SGCZ: variants seen among roughly 807,000 people sequenced by gnomAD.
SGCZ encodes the protein zeta-sarcoglycan.
Under a neutral mutation model 41.3 loss-of-function variants are expected in SGCZ, and 40 were observed. The observed-to-expected ratio is 0.97, with a 90% confidence interval of 0.75 to 1.26. SGCZ has a LOEUF of 1.26. Among genes scored for constraint, SGCZ ranks in the 50% most tolerant of loss-of-function variants. The probability of loss-of-function intolerance (pLI) is 0.00; values close to 1 mark genes in which losing one functional copy is unlikely to be tolerated. For missense variants in SGCZ, 552 were observed against 369.8 expected (o/e 1.49, Z -4.04); for synonymous variants, 206 against 137.5 (o/e 1.50, Z -3.49).
At chr8:15,033,338 A>T (rs574616369) in intron 1 of SGCZ, among the ~76,000 whole-genome samples, 36 of 151,972 alleles carry the variant, frequency 2.4e-4, no homozygotes, top group African/African-American at 8.7e-4. Flanking sequence ...GAAAGCACCC[A>T]TGGCTCCAGG....
chr8:15,109,114 A>G (rs1306423178), intron 1 of SGCZ, among the ~76,000 whole-genome samples: 1 of 152,156 alleles, frequency 6.6e-6, no homozygotes, highest in East Asian at 1.9e-4. Flanking sequence ...ACACACACAC[A>G]CTCATAATAG....
intron 1 of SGCZ, among the ~76,000 whole-genome samples, chr8:14,886,025 ATATATATAT>A (rs1804788724): frequency 8.5e-6 from 1 of 118,330 alleles, no homozygotes; most frequent in Non-Finnish European, 1.8e-5. Flanking sequence ...ATATATATAT[ATATATATAT>A]AAAATTGTAT....
At chr8:14,864,452 A>G (rs541818159) in intron 1 of SGCZ, among the ~76,000 whole-genome samples, 3 of 152,272 alleles carry the variant, frequency 2.0e-5, no homozygotes, top group African/African-American at 7.2e-5. Context: ...TTACTCAAAT[A>G]TCTATTAGCA....
At chr8:14,338,429 G>A (rs1024794198) in intron 2 of SGCZ, among the ~76,000 whole-genome samples, 1 of 152,128 alleles carries the variant, frequency 6.6e-6, no homozygotes, top group African/African-American at 2.4e-5. Flanking sequence ...AGACCCAGCT[G>A]TCCCATCTCA....
chr8:14,514,350 C>T (rs1358226128), intron 2 of SGCZ, among the ~76,000 whole-genome samples: 2 of 152,106 alleles, frequency 1.3e-5, no homozygotes, highest in Non-Finnish European at 2.9e-5. Context: ...CTACTTACTA[C>T]TTGAATAACA....
chr8:14,441,491 C>G (rs535189415), intron 2 of SGCZ, among the ~76,000 whole-genome samples: 6 of 152,178 alleles, frequency 3.9e-5, no homozygotes, highest in South Asian at 4.1e-4. Flanking sequence ...AGGAACATCA[C>G]TTGAACCTGG....
At chr8:14,475,801 G>T (rs927377121) in intron 2 of SGCZ, among the ~76,000 whole-genome samples, 1 of 151,978 alleles carries the variant, frequency 6.6e-6, no homozygotes, top group African/African-American at 2.4e-5. Context: ...AGTTCAAATA[G>T]TACAATGTTG....
intron 2 of SGCZ, among the ~76,000 whole-genome samples, chr8:14,365,389 C>G (rs968393807): frequency 2.0e-5 from 3 of 151,816 alleles, no homozygotes; most frequent in African/African-American, 7.3e-5. Context: ...GCCTTCAGTC[C>G]CTCTAAACTC....
chr8:14,832,465 T>A (rs1351575329), intron 1 of SGCZ, among the ~76,000 whole-genome samples: 1 of 152,066 alleles, frequency 6.6e-6, no homozygotes, highest in Non-Finnish European at 1.5e-5. Flanking sequence ...TGGAAAACTG[T>A]TTTCTACCAC....
At chr8:15,175,615 A>G (rs564545483) in intron 1 of SGCZ, among the ~76,000 whole-genome samples, 107 of 152,188 alleles carry the variant, frequency 7.0e-4, no homozygotes, top group South Asian at 4.1e-3. Flanking sequence ...TGTTGAAATA[A>G]TCTGTATAAC....
At chr8:14,723,815 A>T (rs1394452333) in intron 1 of SGCZ, among the ~76,000 whole-genome samples, 1 of 152,092 alleles carries the variant, frequency 6.6e-6, no homozygotes, top group African/African-American at 2.4e-5. Context: ...TATAATATAT[A>T]CTTTTCTAAT....
intron 1 of SGCZ, among the ~76,000 whole-genome samples, chr8:14,896,999 G>C (rs1805225395): frequency 6.6e-6 from 1 of 150,846 alleles, no homozygotes; most frequent in Non-Finnish European, 1.5e-5. Flanking sequence ...GGTCAGGCTG[G>C]TCTCGAACTC....
At chr8:14,698,419 T>C (rs974947620) in intron 1 of SGCZ, among the ~76,000 whole-genome samples, 1 of 151,886 alleles carries the variant, frequency 6.6e-6, no homozygotes, top group Non-Finnish European at 1.5e-5. Context: ...CAATATTAAA[T>C]AAAGAGTAAA....
intron 1 of SGCZ, among the ~76,000 whole-genome samples, chr8:15,046,142 A>C (rs542345886): frequency 1.2e-4 from 18 of 152,192 alleles, no homozygotes; most frequent in African/African-American, 3.8e-4. Flanking sequence ...TTTTTAATAT[A>C]ATATAGAGCA....
intron 1 of SGCZ, among the ~76,000 whole-genome samples, chr8:14,850,336 T>C (rs1803270240): frequency 6.6e-6 from 1 of 152,098 alleles, no homozygotes; most frequent in Non-Finnish European, 1.5e-5. Context: ...CTCAGGACTT[T>C]AAAGGAGAGA....
chr8:15,060,128 A>G (rs1804864966), intron 1 of SGCZ, among the ~76,000 whole-genome samples: 1 of 152,188 alleles, frequency 6.6e-6, no homozygotes, highest in African/African-American at 2.4e-5. Flanking sequence ...TCAGGGATCT[A>G]GAACTAGAAA....
At chr8:14,805,690 G>A (rs549697012) in intron 1 of SGCZ, among the ~76,000 whole-genome samples, 2 of 151,704 alleles carry the variant, frequency 1.3e-5, no homozygotes, top group African/African-American at 4.8e-5. Context: ...AAGTCACCAA[G>A]GATACCCAGG....
intron 2 of SGCZ, among the ~76,000 whole-genome samples, chr8:14,427,493 G>T (rs934848407): frequency 6.6e-6 from 1 of 151,738 alleles, no homozygotes; most frequent in Non-Finnish European, 1.5e-5. Flanking sequence ...TTTTAGGGGG[G>T]TTCCCACTCC....
chr8:14,332,191 T>C (rs1802352336), intron 2 of SGCZ, among the ~76,000 whole-genome samples: 1 of 152,028 alleles, frequency 6.6e-6, no homozygotes, highest in Admixed American at 6.5e-5. Context: ...ATCCCAGTAC[T>C]TTGGGAGGCC....
Sources: gnomAD v4.1 joint callset for allele counts (sites outside exome capture counted in the v4.1 genomes callset) on GRCh38, gnomAD v4.1.1 for gene constraint, MANE v1.5 for transcripts, NCBI Gene and HGNC (gene_info 2026-07-23, HGNC 2026-07-21) for gene names.